The following KCTD1 variants were observed in gnomAD, a reference collection of about 807,000 sequenced individuals.
KCTD1 encodes BTB/POZ domain-containing protein KCTD1.
Under a neutral mutation model 66.0 loss-of-function variants are expected in KCTD1, and 24 were observed. The ratio of observed to expected loss-of-function variants is 0.36; its 90% CI spans 0.26 to 0.51. The LOEUF (loss-of-function observed/expected upper bound fraction) is 0.51, where lower values mean the gene tolerates loss of function less well. Among genes scored for constraint, KCTD1 ranks in the 20% least tolerant of loss-of-function variants. The pLI is 0.95. For missense variants in KCTD1, 943 were observed against 1,205.2 expected (o/e 0.78, Z 3.22); for synonymous variants, 511 against 517.2 (o/e 0.99, Z 0.16).
At chr18:26,628,660 A>C (rs560112151) in intron 1 of KCTD1, among the ~76,000 whole-genome samples, 2 of 152,136 alleles carry the variant, frequency 1.3e-5, no homozygotes, top group Non-Finnish European at 2.9e-5. Flanking sequence ...AATAGCCTAA[A>C]TTAAACCTTA....
intron 1 of KCTD1, among the ~76,000 whole-genome samples, chr18:26,535,114 T>TGGGGGGGGG (rs1984633313): frequency 7.9e-4 from 88 of 110,716 alleles, no homozygotes; most frequent in East Asian, 1.4e-3. Flanking sequence ...GGTTGGGGGG[T>TGGGGGGGGG]GGGGGTGGAG....
chr18:26,525,412 T>C (rs1395108733), intron 1 of KCTD1, among the ~76,000 whole-genome samples: 1 of 152,230 alleles, frequency 6.6e-6, no homozygotes, highest in African/African-American at 2.4e-5. Flanking sequence ...TGTGAGCCAA[T>C]ATTCAATAAT....
intron 3 of KCTD1, among the ~76,000 whole-genome samples, chr18:26,461,846 T>C (rs944312617): frequency 6.6e-6 from 1 of 152,190 alleles, no homozygotes; most frequent in African/African-American, 2.4e-5. Flanking sequence ...CTGGGCGTGG[T>C]GGTTCACGCC....
At chr18:26,603,018 T>A (rs1225517902) in intron 1 of KCTD1, among the ~76,000 whole-genome samples, 1 of 152,108 alleles carries the variant, frequency 6.6e-6, no homozygotes, top group East Asian at 1.9e-4. Context: ...AAACATGCAA[T>A]GGGGAAGAGA....
At chr18:26,610,924 T>C (rs1987124450) in intron 1 of KCTD1, among the ~76,000 whole-genome samples, 1 of 152,236 alleles carries the variant, frequency 6.6e-6, no homozygotes, top group Non-Finnish European at 1.5e-5. Flanking sequence ...CTAGGACATG[T>C]CTTGGTGTTC....
chr18:26,645,911 C>T (rs1254156734), intron 1 of KCTD1, among the ~76,000 whole-genome samples: 1 of 152,160 alleles, frequency 6.6e-6, no homozygotes, highest in Non-Finnish European at 1.5e-5. Context: ...GCTCTGCAGA[C>T]AATTCTGTTG....
At chr18:26,492,422 C>A (rs565527801) in intron 2 of KCTD1, among the ~76,000 whole-genome samples, 1 of 151,810 alleles carries the variant, frequency 6.6e-6, no homozygotes, top group African/African-American at 2.4e-5. Context: ...TCACTTGAGC[C>A]CAGGGGTTCA....
chr18:26,610,592 A>C (rs982997294), intron 1 of KCTD1, among the ~76,000 whole-genome samples: 3 of 143,910 alleles, frequency 2.1e-5, no homozygotes, highest in Non-Finnish European at 3.0e-5. Context: ...AGAGAGAGAA[A>C]GAAAGGAAGG....
intron 1 of KCTD1, among the ~76,000 whole-genome samples, chr18:26,513,634 C>G (rs939844061): frequency 6.6e-6 from 1 of 152,228 alleles, no homozygotes; most frequent in Admixed American, 6.5e-5. Flanking sequence ...AAATTCTTTT[C>G]TCTCTCACTT....
intron 1 of KCTD1, among the ~76,000 whole-genome samples, chr18:26,573,293 G>A (rs1029411107): frequency 3.3e-5 from 5 of 152,102 alleles, no homozygotes; most frequent in Non-Finnish European, 4.4e-5. Context: ...AATGGATACA[G>A]GGTTTCTGTT....
rs576681415 is a variant in KCTD1, at chr18:26,561,473, G to C, written c.-15-60223C>G. On this transcript the variant is annotated intron_variant, in intron 1 of 4. Coordinates refer to the KCTD1 transcript ENST00000317932. ...CCCATGTCTCCAGGTGCCTATTGTA[G>C]ATATATGTTCTGGGTCTCTCTGCTT... Among the ~76,000 whole-genome samples the C allele has an allele frequency of 5.3e-5, 8 of 152,200 alleles. No individual in the cohort carries two copies. The South Asian group carries it at 1.5e-3, about 28-fold the overall frequency.
intron 1 of KCTD1, among the ~76,000 whole-genome samples, chr18:26,596,352 A>G (rs991056262): frequency 2.6e-5 from 4 of 152,238 alleles, no homozygotes; most frequent in Non-Finnish European, 4.4e-5. Context: ...TCTACAAGAC[A>G]GAAAGAGAGC....
At chr18:26,492,241 G>A (rs1470456773) in intron 2 of KCTD1, among the ~76,000 whole-genome samples, 1 of 151,476 alleles carries the variant, frequency 6.6e-6, no homozygotes, top group Admixed American at 6.6e-5. Context: ...GACCCTATCT[G>A]GAAAAAAAAA....
chr18:26,616,310 T>A (rs1458550117), intron 1 of KCTD1, among the ~76,000 whole-genome samples: 2 of 151,962 alleles, frequency 1.3e-5, no homozygotes, highest in African/African-American at 4.8e-5. Context: ...CAACCACAGG[T>A]GGCCTTCCTC....
At chr18:26,495,936 T>C (rs925180850) in intron 2 of KCTD1, among the ~76,000 whole-genome samples, 2 of 152,216 alleles carry the variant, frequency 1.3e-5, no homozygotes, top group Admixed American at 1.3e-4. Context: ...TTGGAGGTAA[T>C]AGTAGAGAAT....
At chr18:26,483,769 A>G (rs543290326) in intron 2 of KCTD1, among the ~76,000 whole-genome samples, 12 of 152,140 alleles carry the variant, frequency 7.9e-5, no homozygotes, top group East Asian at 5.8e-4. Context: ...GTGTGTGTGC[A>G]CACATGAGAG....
intron 1 of KCTD1, among the ~76,000 whole-genome samples, chr18:26,529,374 C>T (rs1265173803): frequency 3.9e-5 from 6 of 152,306 alleles, no homozygotes; most frequent in East Asian, 3.9e-4. Flanking sequence ...CTTTCTCTCC[C>T]GCCACTTCCC....
In KCTD1 at chr18:26,548,047, C is replaced by A; in HGVS notation, c.490G>T (p.Glu164Ter). The A allele has an allele frequency of 6.6e-7, 1 of 1,506,178 alleles. No individual in the cohort carries two copies. The highest frequency in any genetic ancestry group is 1.3e-5 in the South Asian group (1 of 78,452). 93.3% of individuals were successfully genotyped at this position (1,506,178 alleles called of 1,614,324 possible). Residue 164 changes from glutamate (E) to a stop codon, truncating the protein, a stop_gained, in exon 1 of 5, where the codon GAG (glutamate) becomes TAG (stop). Coordinates refer to ENST00000580059, the MANE Select transcript of KCTD1 (RefSeq NM_001142730.3). LOFTEE classifies it high-confidence loss of function. ...ELDPDVLQRP[E>*]RARLSENTRL... ...GTGTTCTCGCTCAGCCGGGCCCGCT[C>A]GGGGCGCTGCAGCACGTCGGGGTCC...
chr18:26,500,883 G>A (rs1171361170), intron 2 of KCTD1, among the ~76,000 whole-genome samples, 189 bp downstream of exon 2: 3 of 152,124 alleles, frequency 2.0e-5, no homozygotes, highest in African/African-American at 4.8e-5. Context: ...TAAGCTGCGG[G>A]TCCAATCCTG....
Sources: gnomAD v4.1 joint callset for allele counts (sites outside exome capture counted in the v4.1 genomes callset) on GRCh38, gnomAD v4.1.1 for gene constraint, MANE v1.5 for transcripts, NCBI Gene and HGNC (gene_info 2026-07-23, HGNC 2026-07-21) for gene names.